The following NAV2 variants were observed in gnomAD, a reference collection of about 807,000 sequenced individuals.
The protein encoded by NAV2 is helicase, APC down-regulated 1.
In NAV2, 54 loss-of-function variants were observed where a neutral mutation model predicts 223.2. The ratio of observed to expected loss-of-function variants is 0.24; its 90% CI spans 0.19 to 0.30. The LOEUF (loss-of-function observed/expected upper bound fraction) is 0.30. Among genes scored for constraint, NAV2 ranks in the 10% least tolerant of loss-of-function variants. NAV2 has a pLI of 1.00. For missense variants in NAV2, 2,806 were observed against 3,147.5 expected (o/e 0.89, Z 2.60); for synonymous variants, 1,279 against 1,239.3 (o/e 1.03, Z -0.67).
chr11:19,475,058 G>C (rs1233634702), intron 1 of NAV2, among the ~76,000 whole-genome samples: 3 of 152,220 alleles, frequency 2.0e-5, no homozygotes, highest in Non-Finnish European at 4.4e-5. Flanking sequence ...ACTTTCCACT[G>C]GGCCTTGGGT....
intron 1 of NAV2, among the ~76,000 whole-genome samples, chr11:19,419,719 G>A (rs1322884504): frequency 6.6e-6 from 1 of 152,198 alleles, no homozygotes; most frequent in Admixed American, 6.5e-5. Context: ...AAACTGGAAG[G>A]AACATCAGAG....
intron 1 of NAV2, among the ~76,000 whole-genome samples, chr11:19,644,101 C>A (rs796427436): frequency 6.6e-6 from 1 of 152,076 alleles, no homozygotes; most frequent in Non-Finnish European, 1.5e-5. Context: ...CACACAGCAG[C>A]CTTTCTGTGA....
intron 1 of NAV2, among the ~76,000 whole-genome samples, chr11:19,707,604 A>G (rs1480182695): frequency 1.2e-4 from 18 of 152,316 alleles, no homozygotes; most frequent in Non-Finnish European, 5.9e-5. Flanking sequence ...CCTGCCTGAG[A>G]CTGTTTTACA....
chr11:19,636,770 G>A (rs1344230466), intron 1 of NAV2, among the ~76,000 whole-genome samples: 1 of 152,136 alleles, frequency 6.6e-6, no homozygotes, highest in African/African-American at 2.4e-5. Context: ...GCACCCGGCC[G>A]AGTTCTGCAG....
chr11:19,709,797 A>G (rs553211423), upstream of NAV2, among the ~76,000 whole-genome samples: 58 of 152,290 alleles, frequency 3.8e-4, 1 homozygote, highest in South Asian at 0.012. Flanking sequence ...GGTCACAAAA[A>G]AAAAGGAGAT....
intron 1 of NAV2, among the ~76,000 whole-genome samples, chr11:19,739,008 C>A (rs1262524188): frequency 1.4e-5 from 2 of 142,552 alleles, no homozygotes; most frequent in African/African-American, 2.8e-5. Context: ...TGGTGAAACG[C>A]CATCACTACA....
intron 10 of NAV2, among the ~76,000 whole-genome samples, chr11:19,968,917 G>A (rs570331530): frequency 6.6e-6 from 1 of 152,112 alleles, no homozygotes; most frequent in East Asian, 1.9e-4. Context: ...GTTCCCAACC[G>A]CCTTGGCTTC....
chr11:19,807,018 A>T (rs2058602351), intron 1 of NAV2, among the ~76,000 whole-genome samples: 1 of 152,202 alleles, frequency 6.6e-6, no homozygotes, highest in Non-Finnish European at 1.5e-5. Flanking sequence ...TGTGTTTCTT[A>T]AAAGCTCCCC....
chr11:19,898,222 T>C (rs2042159124), intron 6 of NAV2, among the ~76,000 whole-genome samples: 2 of 152,162 alleles, frequency 1.3e-5, no homozygotes, highest in Non-Finnish European at 2.9e-5. Flanking sequence ...AGAAAGCACA[T>C]CTTGATTTTC....
At chr11:20,039,010 C>T (rs1430922224) in intron 12 of NAV2, among the ~76,000 whole-genome samples, 1 of 152,198 alleles carries the variant, frequency 6.6e-6, no homozygotes, top group African/African-American at 2.4e-5. Context: ...ATGCCCCCCA[C>T]AGAGCACAGG....
intron 3 of NAV2, among the ~76,000 whole-genome samples, chr11:19,859,141 T>C (rs1257731830): frequency 2.0e-5 from 2 of 101,080 alleles, no homozygotes; most frequent in African/African-American, 3.8e-5. Flanking sequence ...TATTCTCTTT[T>C]TTTTTTTTTT....
At chr11:20,094,940 CTG>C (rs2061142993) in intron 29 of NAV2, among the ~76,000 whole-genome samples, 1 of 152,172 alleles carries the variant, frequency 6.6e-6, no homozygotes, top group Admixed American at 6.5e-5. Context: ...TCTTTTATCA[CTG>C]TGATCTGGTT....
chr11:19,442,483 G>C (rs1325692684), intron 1 of NAV2, among the ~76,000 whole-genome samples: 1 of 152,258 alleles, frequency 6.6e-6, no homozygotes, highest in Non-Finnish European at 1.5e-5. Context: ...GCTTTCCCCA[G>C]AGAGGTGACT....
Position 20,098,083 on chromosome 11 carries a change from T to C in NAV2, c.6181+338T>C, listed in dbSNP as rs531337329. On this transcript the variant is annotated intron_variant, in intron 31 of 37. Coordinates refer to ENST00000349880, the MANE Select transcript of NAV2 (RefSeq NM_145117.5). ...CCAGCAAGCTTTGGATGCAGTCCCG[T>C]TCTACAGATGGGAAAACCACGACTT... is the stretch of plus-strand genomic sequence containing the variant. Among the ~76,000 whole-genome samples the C allele has an allele frequency of 5.3e-5, 8 of 152,318 alleles. No individual in the cohort carries two copies. In the South Asian group the frequency reaches 1.7e-3, roughly 32 times the overall value.
At chr11:19,619,063 C>T (rs2046902819) in intron 1 of NAV2, among the ~76,000 whole-genome samples, 2 of 147,866 alleles carry the variant, frequency 1.4e-5, no homozygotes, top group South Asian at 4.4e-4. Flanking sequence ...CAATCTTCAT[C>T]CATGTCCCTA....
At chr11:19,839,905 G>A (rs1188601327) in intron 2 of NAV2, among the ~76,000 whole-genome samples, 1 of 152,176 alleles carries the variant, frequency 6.6e-6, no homozygotes, top group African/African-American at 2.4e-5. Context: ...GAGGACTTTG[G>A]GGATAAGTGC....
At chr11:19,408,773 G>A (rs758947615) in intron 1 of NAV2, among the ~76,000 whole-genome samples, 1 of 152,076 alleles carries the variant, frequency 6.6e-6, no homozygotes, top group Non-Finnish European at 1.5e-5. Flanking sequence ...GCCAGAATTC[G>A]AGCCTGGGCC....
chr11:19,970,080 A>G (rs1316485987), intron 10 of NAV2, among the ~76,000 whole-genome samples: 1 of 152,246 alleles, frequency 6.6e-6, no homozygotes, highest in Non-Finnish European at 1.5e-5. Context: ...TTATTGTACC[A>G]TACTCACCCA....
At chr11:19,866,503 G>C (rs770863261) in intron 3 of NAV2, among the ~76,000 whole-genome samples, 8 of 152,190 alleles carry the variant, frequency 5.3e-5, no homozygotes, top group Admixed American at 2.6e-4. Context: ...TAATAGAATC[G>C]GACATTAAAA....
Sources: allele counts gnomAD v4.1 joint callset (sites outside exome capture counted in the v4.1 genomes callset), GRCh38; gene constraint gnomAD v4.1.1; transcripts MANE v1.5; gene names NCBI Gene and HGNC (gene_info 2026-07-23, HGNC 2026-07-21).